CARF: variants seen among roughly 807,000 people sequenced by gnomAD.
CARF encodes calcium-responsive transcription factor.
In CARF, 57 loss-of-function variants were observed where a neutral mutation model predicts 82.0. The observed-to-expected ratio is 0.70, with a 90% CI of 0.56 to 0.87. The LOEUF (loss-of-function observed/expected upper bound fraction) is 0.87, where lower values mean the gene tolerates loss of function less well. CARF is among the 40% of genes least tolerant of loss of function. The probability of loss-of-function intolerance (pLI) is 0.00; values close to 1 mark genes in which losing one functional copy is unlikely to be tolerated. For synonymous variants in CARF, 268 were observed against 290.1 expected (o/e 0.92, Z 0.77); for missense variants, 771 against 855.8 (o/e 0.90, Z 1.24).
Position 202,981,677 on chromosome 2 carries a change from C to G in CARF, c.1681C>G (p.Gln561Glu). 1.2e-6 allele frequency: 2 copies of G among 1,611,376 alleles called. No homozygotes were observed. The highest frequency in any genetic ancestry group is 1.7e-6 in the Non-Finnish European group (2 of 1,178,560). Residue 561 changes from glutamine to glutamate, a missense_variant, in exon 15 of 17, where the codon CAA (glutamine) becomes GAA (glutamate). Coordinates refer to ENST00000438828, the MANE Select transcript of CARF (RefSeq NM_024744.17). ...LSSFQPKIFT[Q>E]LQGLQLQPRY... ...CTCATTTCAGCCCAAAATATTTACA[C>G]AACTACAGGTAGGTATCCAGTAAAA...
chr2:202,944,861 C>T (rs2058416115), intron 5 of CARF, among the ~76,000 whole-genome samples: 1 of 151,550 alleles, frequency 6.6e-6, no homozygotes, highest in South Asian at 2.1e-4. Context: ...ACCTAGGGTA[C>T]CTTTCCGAGC....
intron 1 of CARF, among the ~76,000 whole-genome samples, chr2:202,917,494 G>A (rs1689963693): frequency 6.6e-6 from 1 of 152,144 alleles, no homozygotes; most frequent in South Asian, 2.1e-4. Flanking sequence ...TTGGGAGGTA[G>A]GGCATGGGGA....
At chr2:202,947,932 C>G (rs1258474443) in intron 5 of CARF, among the ~76,000 whole-genome samples, 1 of 152,150 alleles carries the variant, frequency 6.6e-6, no homozygotes, top group East Asian at 1.9e-4. Context: ...TTTGCCCATT[C>G]CCTTGTCCAG....
At chr2:202,982,503 T>G (rs988987195) in intron 16 of CARF, 62 bp downstream of exon 16, 1 of 1,547,966 alleles carries the variant, frequency 6.5e-7, no homozygotes, top group Non-Finnish European at 8.8e-7. Context: ...ATCACTATAT[T>G]ATACTATAGA....
In CARF at chr2:202,977,268, G is replaced by A; in HGVS notation, c.1495-1G>A. ...TACTGAAATAAATGTTCCCATTTCAGCTTCAATGGACTACAGACAGTGGGA... is the reference window on the plus strand; with the variant it reads ...TACTGAAATAAATGTTCCCATTTCAACTTCAATGGACTACAGACAGTGGGA... On this transcript the variant is annotated splice_acceptor_variant, in intron 13 of 16. Transcript: ENST00000438828. LOFTEE classifies it high-confidence loss of function. 1 of 1,604,532 alleles carries A rather than the reference G, an allele frequency of 6.2e-7. No individual in the cohort carries two copies. The highest frequency in any genetic ancestry group is 8.5e-7 in the Non-Finnish European group (1 of 1,175,230).
chr2:202,940,023 C>T (rs10932003), intron 3 of CARF, among the ~76,000 whole-genome samples: 4 of 151,060 alleles, frequency 2.6e-5, no homozygotes, highest in Non-Finnish European at 5.9e-5. Flanking sequence ...TTCATTGTTT[C>T]TTTGTTTGTT....
At position 202,982,474 on chromosome 2, in the gene CARF, G is replaced by A. The variant is rs1026781996; in HGVS notation, c.2059+33G>A. On this transcript the variant is annotated intron_variant, in intron 16 of 16. Coordinates refer to ENST00000438828, the MANE Select transcript of CARF (RefSeq NM_024744.17). ...GAAATCAATTTATGATGTTATTGTT[G>A]TAACCTTTGTGGATTATCATCACTA... is the stretch of plus-strand genomic sequence containing the variant. 6 of 1,608,536 alleles carry A rather than the reference G, an allele frequency of 3.7e-6. No homozygotes were observed. The African/African-American group carries it at 6.7e-5, about 18-fold the overall frequency.
intron 14 of CARF, among the ~76,000 whole-genome samples, chr2:202,979,606 G>A (rs2060163012): frequency 6.6e-6 from 1 of 151,948 alleles, no homozygotes. Flanking sequence ...TTCGAGACTG[G>A]CCTGGACAAC....
Position 202,954,041 on chromosome 2 carries a change from C to G in CARF, c.464C>G (p.Pro155Arg). 1 of 1,608,600 alleles carries G rather than the reference C, an allele frequency of 6.2e-7. No individual in the cohort carries two copies. The highest frequency in any genetic ancestry group is 1.3e-5 in the African/African-American group (1 of 74,610). ...PEEKPSNRNL[P>R]TVRVDTLADN... ...GAGAAACCCAGTAACAGAAACTTAC[C>G]AACTGTAAGAGTGGATACTCTAGCA... is the stretch of plus-strand genomic sequence containing the variant. Residue 155 changes from proline to arginine, a missense_variant, in exon 7 of 17, where the codon CCA (proline) becomes CGA (arginine). Pro to Arg is a moderately radical substitution (Grantham distance 103, BLOSUM62 -2). Transcript: ENST00000438828.
At chr2:202,917,198 G>A (rs1171637751) in intron 1 of CARF, among the ~76,000 whole-genome samples, 3 of 97,458 alleles carry the variant, frequency 3.1e-5, no homozygotes, top group African/African-American at 4.0e-5. Context: ...GCGACAGAGC[G>A]AGACTCCGTC....
chr2:202,982,396 G>T lies in CARF; in HGVS notation c.2014G>T (p.Val672Leu). The change falls in exon 16 of 17, where the codon GTG becomes TTG. Residue 672 changes from valine to leucine, a missense_variant. Physicochemically the swap from Val to Leu is conservative, Grantham distance 32 (BLOSUM62 1). Transcript: ENST00000438828. ...GTVHRILLGD[V>L]QTIPIQIIDN... ...TGTTCATCGGATTCTGTTGGGAGAT[G>T]TGCAGACTATTCCAATACAGATTAT... 1 of 1,614,080 alleles carries T rather than the reference G, an allele frequency of 6.2e-7. No homozygotes were observed. The highest frequency in any genetic ancestry group is 8.5e-7 in the Non-Finnish European group (1 of 1,179,970).
At chr2:202,975,980 G>C (rs2105927524) in intron 13 of CARF, among the ~76,000 whole-genome samples, 1 of 152,078 alleles carries the variant, frequency 6.6e-6, no homozygotes, top group Admixed American at 6.5e-5. Context: ...GGGAGGCGGA[G>C]GTTGCAGTGA....
intron 2 of CARF, among the ~76,000 whole-genome samples, chr2:202,923,882 A>G (rs1338472184): frequency 2.0e-5 from 3 of 152,210 alleles, no homozygotes; most frequent in Admixed American, 2.0e-4. Context: ...GTGAAATGAC[A>G]CCCTATTCAA....
intron 10 of CARF, among the ~76,000 whole-genome samples, chr2:202,969,106 A>G (rs1458361096): frequency 6.6e-6 from 1 of 152,204 alleles, no homozygotes; most frequent in Non-Finnish European, 1.5e-5. Flanking sequence ...CCTGACCAAC[A>G]TGGTGAAACC....
intron 3 of CARF, among the ~76,000 whole-genome samples, chr2:202,940,401 A>G (rs544117406): frequency 1.3e-5 from 2 of 152,216 alleles, no homozygotes; most frequent in East Asian, 3.9e-4. Context: ...TCATTTTTTT[A>G]GACATTGAAT....
chr2:202,961,809 G>T, intron 9 of CARF: 1 of 278,140 alleles, frequency 3.6e-6, no homozygotes. Flanking sequence ...AGAAATTTAT[G>T]TCTATTTTAT....
intron 7 of CARF, among the ~76,000 whole-genome samples, chr2:202,955,159 CTA>C (rs537860985): frequency 4.5e-4 from 69 of 152,090 alleles, no homozygotes; most frequent in Non-Finnish European, 8.4e-4. Flanking sequence ...TAAAATAATA[CTA>C]TGATATTTTA....
chr2:202,977,198 C>T (rs941666131), intron 13 of CARF, 71 bp from the exon 14 acceptor site: 16 of 1,095,826 alleles, frequency 1.5e-5, no homozygotes, highest in African/African-American at 3.1e-5. Context: ...ATATGACAGT[C>T]GTAATGACGT....
chr2:202,938,025 T>C (rs1574563682), intron 3 of CARF, among the ~76,000 whole-genome samples: 1 of 152,166 alleles, frequency 6.6e-6, no homozygotes, highest in African/African-American at 2.4e-5. Flanking sequence ...ATAATAATCA[T>C]AGCATGTAAA....
Sources: gnomAD v4.1 joint callset for allele counts (sites outside exome capture counted in the v4.1 genomes callset) on GRCh38, gnomAD v4.1.1 for gene constraint, MANE v1.5 for transcripts, NCBI Gene and HGNC (gene_info 2026-07-23, HGNC 2026-07-21) for gene names.